The following SDK1 variants were observed in gnomAD, a reference collection of about 807,000 sequenced individuals.
SDK1 encodes the protein sidekick cell adhesion molecule 1.
SDK1 carries 157 observed loss-of-function variants against 245.5 expected under a neutral mutation model. That is an observed-to-expected ratio of 0.64 (90% CI 0.56 to 0.73). The LOEUF (loss-of-function observed/expected upper bound fraction) is 0.73. Ranked by LOEUF, SDK1 falls within the 30% of genes least tolerant of loss-of-function variation. The probability of loss-of-function intolerance (pLI) is 0.00; values close to 1 mark genes in which losing one functional copy is unlikely to be tolerated. For missense variants in SDK1, 3,583 were observed against 3,002.3 expected (o/e 1.19, Z -4.52); for synonymous variants, 1,647 against 1,278.5 (o/e 1.29, Z -6.15).
intron 19 of SDK1, among the ~76,000 whole-genome samples, chr7:4,055,646 C>G (rs187672409): frequency 3.5e-4 from 53 of 152,012 alleles, no homozygotes; most frequent in African/African-American, 1.2e-3. Context: ...GATTTCTGCT[C>G]TTTATAATTT....
At chr7:4,199,384 A>G (rs1297322322) in intron 35 of SDK1, among the ~76,000 whole-genome samples, 1 of 152,180 alleles carries the variant, frequency 6.6e-6, no homozygotes, top group African/African-American at 2.4e-5. Flanking sequence ...GTGGGTGATG[A>G]TGGCTATTGA....
chr7:3,643,266 T>G (rs1006032680), intron 4 of SDK1: 6 of 142,418 alleles, frequency 4.2e-5, no homozygotes, highest in African/African-American at 1.6e-4. Flanking sequence ...CTCATCTACC[T>G]GAACATCTGT....
chr7:3,706,984 T>C (rs1784910030), intron 4 of SDK1, among the ~76,000 whole-genome samples: 1 of 152,220 alleles, frequency 6.6e-6, no homozygotes, highest in Non-Finnish European at 1.5e-5. Flanking sequence ...CTATCAACTT[T>C]GTCTTTTCAA....
intron 1 of SDK1, chr7:3,338,413 A>G (rs2128553430): frequency 1.9e-6 from 1 of 526,952 alleles, no homozygotes; most frequent in Non-Finnish European, 3.6e-6. Context: ...CACATTAAGC[A>G]CTCTTAAGAG....
chr7:3,578,262 CATTAAGGATTTT>C (rs1472380641), intron 1 of SDK1, among the ~76,000 whole-genome samples: 3 of 151,062 alleles, frequency 2.0e-5, no homozygotes, highest in East Asian at 3.9e-4. Flanking sequence ...TTAAGGATTT[CATTAAGGATTTT>C]ATTAAGGATT....
intron 44 of SDK1, among the ~76,000 whole-genome samples, chr7:4,246,433 A>G (rs1348189129): frequency 6.6e-6 from 1 of 152,084 alleles, no homozygotes; most frequent in East Asian, 1.9e-4. Context: ...TCACTTTCAT[A>G]GATAAACATA....
intron 32 of SDK1, among the ~76,000 whole-genome samples, chr7:4,168,832 C>T (rs1196903065): frequency 2.6e-5 from 4 of 152,156 alleles, no homozygotes; most frequent in Non-Finnish European, 5.9e-5. Flanking sequence ...CTCGCCTCTT[C>T]GTCATGCTGA....
chr7:3,761,466 A>G (rs1407659468), intron 4 of SDK1, among the ~76,000 whole-genome samples: 2 of 151,368 alleles, frequency 1.3e-5, no homozygotes, highest in East Asian at 3.9e-4. Context: ...AGGCAGGAGA[A>G]TGGCCTGAAC....
chr7:3,503,082 A>T lies in SDK1; in HGVS notation c.299-115998A>T, dbSNP rs185604301. On this transcript the variant is annotated intron_variant, in intron 1 of 44. Transcript: ENST00000404826. ...TAGCTAATGTTTTAGATTACTTTTA[A>T]TTAAAATTGTATGGAGACATTGGTG... Among the ~76,000 whole-genome samples, 668 of 152,286 alleles carry T rather than the reference A, an allele frequency of 4.4e-3. 9 individuals carry two copies. The highest frequency in any genetic ancestry group is 0.015 in the African/African-American group (628 of 41,548).
intron 4 of SDK1, among the ~76,000 whole-genome samples, chr7:3,794,374 G>C (rs1453565780): frequency 6.6e-6 from 1 of 152,048 alleles, no homozygotes. Context: ...GGCATATATG[G>C]CAAGGGCATA....
chr7:4,001,728 CTG>C (rs771882624), intron 14 of SDK1, among the ~76,000 whole-genome samples: 4 of 152,244 alleles, frequency 2.6e-5, no homozygotes, highest in Non-Finnish European at 5.9e-5. Context: ...ACTGTCCACT[CTG>C]TGGTGTTTTG....
chr7:3,737,391 C>A (rs763061920), intron 4 of SDK1, among the ~76,000 whole-genome samples: 2 of 152,212 alleles, frequency 1.3e-5, no homozygotes, highest in African/African-American at 4.8e-5. Flanking sequence ...CCACTGTGTT[C>A]CATAGCTGGT....
At chr7:3,607,478 G>A (rs893012430) in intron 1 of SDK1, among the ~76,000 whole-genome samples, 2 of 152,180 alleles carry the variant, frequency 1.3e-5, no homozygotes, top group African/African-American at 4.8e-5. Flanking sequence ...ATCCTATTCT[G>A]TGTTCCTTTT....
At chr7:3,544,983 A>T (rs1040165409) in intron 1 of SDK1, among the ~76,000 whole-genome samples, 2 of 152,102 alleles carry the variant, frequency 1.3e-5, no homozygotes, top group African/African-American at 4.8e-5. Flanking sequence ...TGAGTCCCTA[A>T]CTTCTGCCTG....
intron 1 of SDK1, among the ~76,000 whole-genome samples, chr7:3,366,263 T>C (rs1781088402): frequency 6.6e-6 from 1 of 152,200 alleles, no homozygotes; most frequent in South Asian, 2.1e-4. Context: ...TAACCATTTT[T>C]ATTACTTTTT....
intron 5 of SDK1, among the ~76,000 whole-genome samples, chr7:3,936,377 C>G (rs1057018308): frequency 6.6e-6 from 1 of 151,672 alleles, no homozygotes; most frequent in African/African-American, 2.4e-5. Context: ...GTCAGGAGAT[C>G]GAGAACATCC....
At chr7:4,149,828 C>T (rs1206656271) in intron 30 of SDK1, among the ~76,000 whole-genome samples, 1 of 152,178 alleles carries the variant, frequency 6.6e-6, no homozygotes, top group Non-Finnish European at 1.5e-5. Context: ...TGGAGGAGGG[C>T]TGGGCTGGCC....
intron 1 of SDK1, among the ~76,000 whole-genome samples, chr7:3,513,970 CTT>C (rs1782656843): frequency 6.6e-6 from 1 of 152,198 alleles, no homozygotes; most frequent in Admixed American, 6.5e-5. Context: ...ATTTTATTCT[CTT>C]TTATGGCTGT....
At position 3,367,163 on chromosome 7, in the gene SDK1, ATTTATT is replaced by A. The variant is rs1216399219; in HGVS notation, c.298+65295_298+65300del. Among the ~76,000 whole-genome samples, 20 of 151,638 alleles carry A rather than the reference ATTTATT, an allele frequency of 1.3e-4. No homozygotes were observed. In the East Asian group the frequency reaches 3.3e-3, roughly 25 times the overall value. ...ACAATTTTATTTTATTTATTTATTT[ATTTATT>A]TTTATTTTTATTTTTTGCCAGGAAT... On this transcript the variant is annotated intron_variant, in intron 1 of 44. Coordinates refer to ENST00000404826, the MANE Select transcript of SDK1 (RefSeq NM_152744.4).
Sources: allele counts gnomAD v4.1 joint callset (sites outside exome capture counted in the v4.1 genomes callset), GRCh38; gene constraint gnomAD v4.1.1; transcripts MANE v1.5; gene names NCBI Gene and HGNC (gene_info 2026-07-23, HGNC 2026-07-21).